The following CNTN5 variants were observed in gnomAD, a reference collection of about 807,000 sequenced individuals.
CNTN5 encodes contactin-5.
In CNTN5, 77 loss-of-function variants were observed where a neutral mutation model predicts 129.1. The observed-to-expected ratio is 0.60, with a 90% confidence interval of 0.50 to 0.72. The LOEUF (loss-of-function observed/expected upper bound fraction) is 0.72. CNTN5 is among the 30% of genes least tolerant of loss of function. The pLI is 0.00. For missense variants in CNTN5, 1,478 were observed against 1,328.8 expected (o/e 1.11, Z -1.75); for synonymous variants, 509 against 465.6 (o/e 1.09, Z -1.20).
In CNTN5 at chr11:100,121,024, C is replaced by T. The variant is rs570726328; in HGVS notation, c.1580+46730C>T. Among the ~76,000 whole-genome samples the T allele has an allele frequency of 2.6e-5, 4 of 151,702 alleles. No homozygotes were observed. In the South Asian group the frequency reaches 6.2e-4, roughly 24 times the overall value. On this transcript the variant is annotated intron_variant, in intron 13 of 24. Coordinates refer to ENST00000524871, the MANE Select transcript of CNTN5 (RefSeq NM_014361.4). ...TTGCTGAAAACCCATTCCAAAAAGG[C>T]AGATTAATTGGAGAAAAAGGCATAC...
chr11:99,518,937 C>T (rs1947164641), intron 2 of CNTN5, among the ~76,000 whole-genome samples: 1 of 151,986 alleles, frequency 6.6e-6, no homozygotes, highest in Non-Finnish European at 1.5e-5. Context: ...TGCTAAGCTC[C>T]ACCCTTCTAA....
chr11:100,105,330 A>G (rs12289840), intron 13 of CNTN5, among the ~76,000 whole-genome samples: 1,718 of 152,058 alleles, frequency 0.011, 36 homozygotes, highest in African/African-American at 0.039. Flanking sequence ...TAAGAGATGC[A>G]TGAGCAGAGA....
intron 3 of CNTN5, among the ~76,000 whole-genome samples, chr11:99,697,068 A>G (rs1443746919): frequency 1.3e-5 from 2 of 152,012 alleles, no homozygotes; most frequent in African/African-American, 2.4e-5. Context: ...AGCAATCCAA[A>G]AAAATAGTAT....
At chr11:99,939,302 A>C (rs958914999) in intron 7 of CNTN5, among the ~76,000 whole-genome samples, 3 of 152,206 alleles carry the variant, frequency 2.0e-5, no homozygotes, top group Middle Eastern at 3.4e-3. Flanking sequence ...ATCTTGAAGT[A>C]ATTTATATTA....
chr11:99,658,888 CAAAAAAAA>C (rs10673721), intron 3 of CNTN5, among the ~76,000 whole-genome samples: 1 of 119,226 alleles, frequency 8.4e-6, no homozygotes, highest in Non-Finnish European at 1.7e-5. Flanking sequence ...AACTCTGTCT[CAAAAAAAA>C]AAAAAAAAAG....
intron 3 of CNTN5, among the ~76,000 whole-genome samples, chr11:99,663,109 A>G (rs183309856): frequency 1.2e-3 from 109 of 92,670 alleles, no homozygotes; most frequent in African/African-American, 1.3e-3. Flanking sequence ...CTTACAGACA[A>G]TAGTCTGATA....
intron 13 of CNTN5, among the ~76,000 whole-genome samples, chr11:100,140,649 A>G (rs1408540624): frequency 6.6e-6 from 1 of 152,204 alleles, no homozygotes; most frequent in Non-Finnish European, 1.5e-5. Flanking sequence ...GAGATGAGTT[A>G]GAGGACAGAG....
intron 1 of CNTN5, among the ~76,000 whole-genome samples, chr11:99,199,833 G>C (rs556657464): frequency 6.6e-6 from 1 of 152,142 alleles, no homozygotes; most frequent in East Asian, 1.9e-4. Flanking sequence ...ATGTGGATTC[G>C]GGGAGAGGTG....
At chr11:99,453,905 T>C (rs1944400918) in intron 2 of CNTN5, among the ~76,000 whole-genome samples, 1 of 152,198 alleles carries the variant, frequency 6.6e-6, no homozygotes. Flanking sequence ...GGTTGCAGTA[T>C]AGAAATACTA....
chr11:99,344,704 G>A (rs928629057), intron 2 of CNTN5, among the ~76,000 whole-genome samples: 2 of 152,134 alleles, frequency 1.3e-5, no homozygotes, highest in African/African-American at 4.8e-5. Flanking sequence ...TCTCTGCTCC[G>A]AAAAGCATCA....
Position 99,649,074 on chromosome 11 carries a change from AT to A in CNTN5, c.55+92806del, listed in dbSNP as rs201128898. Among the ~76,000 whole-genome samples, 517 of 151,930 alleles carry A rather than the reference AT, an allele frequency of 3.4e-3. 4 individuals are homozygous for A. The highest frequency in any genetic ancestry group is 0.012 in the African/African-American group (482 of 41,546). On this transcript the variant is annotated intron_variant, in intron 3 of 24. Coordinates refer to ENST00000524871, the MANE Select transcript of CNTN5 (RefSeq NM_014361.4). ...ATTGAAAGTTCCCAATAAACAAAAAATGATAAATATTTGAGAATCTTGATAT... is the reference window on the plus strand; with the variant it reads ...ATTGAAAGTTCCCAATAAACAAAAAAGATAAATATTTGAGAATCTTGATAT...
At chr11:99,418,106 T>C (rs1942739815) in intron 2 of CNTN5, among the ~76,000 whole-genome samples, 1 of 152,154 alleles carries the variant, frequency 6.6e-6, no homozygotes, top group South Asian at 2.1e-4. Flanking sequence ...GCTAGAAAAG[T>C]CAGCCTTGCT....
intron 3 of CNTN5, among the ~76,000 whole-genome samples, chr11:99,653,673 A>G (rs1402750009): frequency 2.0e-5 from 3 of 152,048 alleles, no homozygotes; most frequent in African/African-American, 7.2e-5. Context: ...TATAATTTAC[A>G]TGTAATATAT....
rs571615269 is a variant in CNTN5 at position 99,141,624 on chromosome 11, A to G, written c.-210+120354A>G. ...TAATTTGAGATCTTTATAAATTTTT[A>G]ATGTGGGTATTTAGCACTATATACT... On this transcript the variant is annotated intron_variant, in intron 1 of 24. Transcript: ENST00000524871. Among the ~76,000 whole-genome samples, 3 of 152,086 alleles carry G rather than the reference A, an allele frequency of 2.0e-5. No individual in the cohort carries two copies. In the South Asian group the frequency reaches 6.2e-4, roughly 32 times the overall value.
chr11:99,713,170 G>T (rs542742965), intron 3 of CNTN5, among the ~76,000 whole-genome samples: 12 of 151,998 alleles, frequency 7.9e-5, no homozygotes, highest in Non-Finnish European at 1.8e-4. Context: ...TTGAGCAGTG[G>T]TTTGTAGTTC....
At chr11:100,214,955 G>T (rs1949108251) in intron 15 of CNTN5, among the ~76,000 whole-genome samples, 1 of 152,128 alleles carries the variant, frequency 6.6e-6, no homozygotes, top group Admixed American at 6.5e-5. Flanking sequence ...GAGATGGCTG[G>T]GATGGCTCAG....
At chr11:99,723,282 C>A (rs893230032) in intron 3 of CNTN5, among the ~76,000 whole-genome samples, 2 of 152,040 alleles carry the variant, frequency 1.3e-5, no homozygotes, top group Non-Finnish European at 1.5e-5. Context: ...TCCTCTCGGA[C>A]AAATGTACAT....
At chr11:99,632,491 G>C (rs923954568) in intron 3 of CNTN5, among the ~76,000 whole-genome samples, 6 of 151,960 alleles carry the variant, frequency 3.9e-5, no homozygotes, top group African/African-American at 1.4e-4. Flanking sequence ...GAAATCTAAG[G>C]GTTGTGTCTT....
chr11:99,704,479 T>C (rs999315774), intron 3 of CNTN5, among the ~76,000 whole-genome samples: 3 of 151,114 alleles, frequency 2.0e-5, no homozygotes, highest in Non-Finnish European at 3.0e-5. Flanking sequence ...TGAGCTATGT[T>C]TTGGTCTGCA....
Sources: allele counts gnomAD v4.1 joint callset (sites outside exome capture counted in the v4.1 genomes callset), GRCh38; gene constraint gnomAD v4.1.1; transcripts MANE v1.5; gene names NCBI Gene and HGNC (gene_info 2026-07-23, HGNC 2026-07-21).